SLC36A1: variants seen among roughly 807,000 people sequenced by gnomAD.
The protein encoded by SLC36A1 is proton-coupled amino acid transporter 1.
SLC36A1 carries 30 observed loss-of-function variants against 47.5 expected under a neutral mutation model. The ratio of observed to expected loss-of-function variants is 0.63; its 90% CI spans 0.47 to 0.86. The LOEUF (loss-of-function observed/expected upper bound fraction) is 0.86. Among genes scored for constraint, SLC36A1 ranks in the 40% least tolerant of loss-of-function variants. The pLI is 0.00. For missense variants in SLC36A1, 517 were observed against 606.0 expected (o/e 0.85, Z 1.54); for synonymous variants, 255 against 249.7 (o/e 1.02, Z -0.20).
the SLC36A1 span, chr5:151,528,056 G>C: frequency 6.2e-7 from 1 of 1,614,236 alleles, no homozygotes; most frequent in Admixed American, 1.7e-5. Context: ...GAATGGTGAA[G>C]TGCCCAAGCT....
intron 1 of SLC36A1, among the ~76,000 whole-genome samples, chr5:151,455,370 C>T (rs1212222548): frequency 2.0e-5 from 3 of 152,084 alleles, no homozygotes; most frequent in African/African-American, 4.8e-5. Flanking sequence ...AATATGCATG[C>T]AGTTGCTTAG....
the SLC36A1 span, among the ~76,000 whole-genome samples, chr5:151,347,812 C>CT: frequency 6.6e-6 from 1 of 152,172 alleles, no homozygotes; most frequent in Non-Finnish European, 1.5e-5. Flanking sequence ...AAGCAATCCT[C>CT]TAAGTGTTTT....
chr5:151,527,422 C>T, the SLC36A1 span: 5 of 1,527,510 alleles, frequency 3.3e-6, no homozygotes, highest in Non-Finnish European at 4.4e-6. Flanking sequence ...GGTAGCTGTC[C>T]CTCACTTCTG....
the SLC36A1 span, chr5:151,550,950 TCACC>T: frequency 7.4e-7 from 1 of 1,349,876 alleles, no homozygotes; most frequent in Non-Finnish European, 1.0e-6. Context: ...CCTCCCTGTA[TCACC>T]CAGGCCTAGC....
chr5:151,412,713 G>A, the SLC36A1 span: 1 of 144,410 alleles, frequency 6.9e-6, no homozygotes, highest in African/African-American at 2.5e-5. Context: ...CCTCTGCCCT[G>A]GCAGTCAGCT....
At chr5:151,508,900 T>G in the SLC36A1 span, among the ~76,000 whole-genome samples, 1 of 152,218 alleles carries the variant, frequency 6.6e-6, no homozygotes, top group Non-Finnish European at 1.5e-5. Flanking sequence ...GGCCCATTCT[T>G]GGAGATTCTG....
intron 7 of SLC36A1, among the ~76,000 whole-genome samples, chr5:151,468,266 A>AAAAAAAAATATATAT (rs55642458): frequency 1.6e-5 from 1 of 63,830 alleles, no homozygotes; most frequent in African/African-American, 8.8e-5. Flanking sequence ...AAAAAAAAAA[A>AAAAAAAAATATATAT]ATATATATAT....
At chr5:151,536,997 C>T in the SLC36A1 span, among the ~76,000 whole-genome samples, 1 of 152,158 alleles carries the variant, frequency 6.6e-6, no homozygotes, top group African/African-American at 2.4e-5. Context: ...AGTGCCCTTT[C>T]CCCCACTCTC....
At chr5:151,407,679 C>T in the SLC36A1 span, among the ~76,000 whole-genome samples, 1 of 152,194 alleles carries the variant, frequency 6.6e-6, no homozygotes, top group African/African-American at 2.4e-5. Flanking sequence ...TCAGTTTCTC[C>T]GTGTATATAA....
chr5:151,459,936 C>T (rs894636568), intron 2 of SLC36A1: 3 of 152,278 alleles, frequency 2.0e-5, no homozygotes, highest in African/African-American at 7.2e-5. Flanking sequence ...GGCCCGTCAC[C>T]ACCACTAGCT....
At chr5:151,544,437 AG>A in the SLC36A1 span, 1 of 1,614,046 alleles carries the variant, frequency 6.2e-7, no homozygotes. Flanking sequence ...CATAGTCCAA[AG>A]GCCCTGTTAC....
the SLC36A1 span, chr5:151,380,589 C>T: frequency 9.1e-6 from 5 of 548,512 alleles, no homozygotes; most frequent in Non-Finnish European, 1.5e-5. Flanking sequence ...ATGAGGACAT[C>T]AGTTCCCTGT....
chr5:151,503,150 G>A, the SLC36A1 span, among the ~76,000 whole-genome samples: 2 of 147,884 alleles, frequency 1.4e-5, no homozygotes, highest in Non-Finnish European at 2.9e-5. Context: ...CTGTAATGCT[G>A]GATACATATT....
intron 9 of SLC36A1, 188 bp downstream of exon 9, chr5:151,476,944 C>A: frequency 2.6e-6 from 2 of 757,756 alleles, no homozygotes; most frequent in South Asian, 2.9e-5. Context: ...TCATGTAGAG[C>A]CTTCTGCTGA....
the SLC36A1 span, among the ~76,000 whole-genome samples, chr5:151,365,380 C>A: frequency 3.9e-5 from 6 of 152,310 alleles, no homozygotes; most frequent in Admixed American, 1.3e-4. Context: ...GCAAACACAT[C>A]AAAAATCCTG....
chr5:151,489,286 T>C lies in SLC36A1; in HGVS notation c.*1032T>C, dbSNP rs930872612. On this transcript the variant is annotated 3_prime_UTR_variant, in exon 11 of 11. Transcript: ENST00000243389. The surrounding 1 kb of genome is among the most constrained non-coding windows in gnomAD (Gnocchi z 4.5). ...GAGAGGCGTATAAAATGGGGCTGTG[T>C]GCATGCAGGCCCATGTTTCAGCCTC... The C allele has an allele frequency of 6.6e-6, 1 of 152,598 alleles. No individual in the cohort carries two copies. Among genetic ancestry groups the C allele is most frequent in the Non-Finnish European group, 1.5e-5 (1 of 68,052 alleles). The allele number at this position is 152,598 out of a possible 1,614,324, so 9.5% of individuals were successfully genotyped here. A position where few individuals can be genotyped will look rare whatever the true frequency, so the allele number is the denominator to read the frequency against.
chr5:151,548,381 A>G, the SLC36A1 span, among the ~76,000 whole-genome samples: 1 of 152,104 alleles, frequency 6.6e-6, no homozygotes, highest in Admixed American at 6.6e-5. Flanking sequence ...GATACTGGAT[A>G]TTATCGCTTT....
the SLC36A1 span, among the ~76,000 whole-genome samples, chr5:151,541,473 G>A: frequency 9.2e-5 from 14 of 152,050 alleles, no homozygotes; most frequent in Admixed American, 6.5e-4. Context: ...CTATGTCTTC[G>A]GGAGTCTGTG....
intron 7 of SLC36A1, among the ~76,000 whole-genome samples, chr5:151,473,137 T>G (rs751584815): frequency 6.6e-6 from 1 of 152,110 alleles, no homozygotes; most frequent in African/African-American, 2.4e-5. Flanking sequence ...ATCTCGCCAC[T>G]GCACGCCAGC....
Sources: gnomAD v4.1 joint callset for allele counts (sites outside exome capture counted in the v4.1 genomes callset) on GRCh38, gnomAD v4.1.1 for gene constraint, Gnocchi (gnomAD v3.1) non-coding constraint, MANE v1.5 for transcripts, NCBI Gene and HGNC (gene_info 2026-07-23, HGNC 2026-07-21) for gene names.